The following ZNF154 variants were observed in gnomAD, a reference collection of about 807,000 sequenced individuals.
The protein encoded by ZNF154 is zinc finger protein 154.
A neutral mutation model predicts 7.5 loss-of-function variants in ZNF154; 6 were observed. The observed-to-expected ratio is 0.80, with a 90% CI of 0.44 to 1.57. The LOEUF (loss-of-function observed/expected upper bound fraction) is 1.57, where lower values mean the gene tolerates loss of function less well. Among genes scored for constraint, ZNF154 ranks in the 40% most tolerant of loss-of-function variants. ZNF154 has a pLI of 0.01. For synonymous variants in ZNF154, 187 were observed against 185.9 expected (o/e 1.01, Z -0.05); for missense variants, 485 against 531.4 (o/e 0.91, Z 0.86).
intron 1 of ZNF154, among the ~76,000 whole-genome samples, chr19:57,706,754 G>A (rs1340035728): frequency 6.6e-6 from 1 of 152,116 alleles, no homozygotes; most frequent in Non-Finnish European, 1.5e-5. Flanking sequence ...CAACCAAAAG[G>A]CTTGGTCCTT....
chr19:57,704,664 T>TA (rs2122402561), intron 2 of ZNF154, among the ~76,000 whole-genome samples, 189 bp downstream of exon 2: 1 of 152,208 alleles, frequency 6.6e-6, no homozygotes, highest in South Asian at 2.1e-4. Context: ...AGGAAACAGG[T>TA]ACTGGGGCTC....
rs188908440 is a variant in ZNF154 at position 57,705,693 on chromosome 19, G to A, written c.34-714C>T. Among the ~76,000 whole-genome samples the A allele has an allele frequency of 3.3e-5, 5 of 151,418 alleles. No homozygotes were observed. In the East Asian group the frequency reaches 9.8e-4, roughly 30 times the overall value. Reference sequence around the variant, plus strand: ...TGCTTGAACCCAGGAGGCGGAGGTTGCAGTGAGCCAAGATTGCGAAACTGC... The same window carrying A: ...TGCTTGAACCCAGGAGGCGGAGGTTACAGTGAGCCAAGATTGCGAAACTGC... On this transcript the variant is annotated intron_variant, in intron 1 of 2. Coordinates refer to ENST00000684351, the MANE Select transcript of ZNF154 (RefSeq NM_001085384.3).
At position 57,699,117 on chromosome 19, in the gene ZNF154, T is replaced by A. The variant is rs571177745; in HGVS notation, c.*2518A>T. Reference sequence around the variant, plus strand: ...TCTTTTTTTTGAGACGGAGTCTTGTTTTGTCTGTCGTCCAGGCTGGAGTGC... The same window carrying A: ...TCTTTTTTTTGAGACGGAGTCTTGTATTGTCTGTCGTCCAGGCTGGAGTGC... On this transcript the variant is annotated 3_prime_UTR_variant, in exon 3 of 3. Transcript: ENST00000684351. 2.0e-5 allele frequency: 3 copies of A among 151,708 alleles called. No homozygotes were observed. Among genetic ancestry groups the A allele is most frequent in the Non-Finnish European group, 4.4e-5 (3 of 68,086 alleles). 9.4% of individuals were successfully genotyped at this position (151,708 alleles called of 1,614,324 possible). A position where few individuals can be genotyped will look rare whatever the true frequency, so the allele number is the denominator to read the frequency against.
intron 2 of ZNF154, 117 bp downstream of exon 2, chr19:57,704,736 G>C: frequency 7.2e-7 from 1 of 1,379,598 alleles, no homozygotes; most frequent in Non-Finnish European, 9.8e-7. Context: ...ACTATGCAGG[G>C]AACTGAGAAA....
In ZNF154 at chr19:57,702,693, CT is replaced by C. The variant is rs1191120399; in HGVS notation, c.255del (p.Glu87SerfsTer203). 1.9e-6 allele frequency: 3 copies of C among 1,613,936 alleles called. No individual in the cohort carries two copies. The highest frequency in any genetic ancestry group is 2.7e-5 in the African/African-American group (2 of 74,934). ...ACTTCTCTGCAGGTGGAAGGCTCCCCTGACACATGGAATGTGCAGGTCTTCA... is the reference window on the plus strand; with the variant it reads ...ACTTCTCTGCAGGTGGAAGGCTCCCCGACACATGGAATGTGCAGGTCTTCA... ...LFVKTCTFHVSGEPSTCREVG... is the reference protein window; with the variant it reads ...LFVKTCTFHVXGEPSTCREVG... On this transcript the variant is annotated frameshift_variant, in exon 3 of 3. Coordinates refer to ENST00000684351, the MANE Select transcript of ZNF154 (RefSeq NM_001085384.3). LOFTEE classifies it low-confidence loss of function (END_TRUNC).
rs1326680533 is a variant in ZNF154 at position 57,709,146 on chromosome 19, G to C, written c.-175C>G. On this transcript the variant is annotated 5_prime_UTR_variant, in exon 1 of 3. Transcript: ENST00000684351. Reference sequence around the variant, plus strand: ...CCTCACGCCTTCGTGGCCCCAACTCGGCGCTCTGCTATCTCTGATCCGGTG... The same window carrying C: ...CCTCACGCCTTCGTGGCCCCAACTCCGCGCTCTGCTATCTCTGATCCGGTG... 5.0e-6 allele frequency: 4 copies of C among 798,176 alleles called. No homozygotes were observed. The highest frequency in any genetic ancestry group is 8.1e-6 in the Non-Finnish European group (4 of 496,748). The allele number at this position is 798,176 out of a possible 1,614,324, so 49.4% of individuals were successfully genotyped here. A position where few individuals can be genotyped will look rare whatever the true frequency, so the allele number is the denominator to read the frequency against.
Position 57,702,427 on chromosome 19 carries a change from G to A in ZNF154, c.522C>T (p.Tyr174=), listed in dbSNP as rs777016363. 2 of 1,613,980 alleles carry A rather than the reference G, an allele frequency of 1.2e-6. No homozygotes were observed. Among genetic ancestry groups the A allele is most frequent in the South Asian group, 1.1e-5 (1 of 91,082 alleles). ...SECGKSFSKS[Y]SLNDHWRLHT... is the part of the protein sequence containing the mutation. The stretch of plus-strand genomic sequence containing the variant: ...GAAGTCTCCAATGGTCATTGAGACT[G>A]TAGCTTTTGCTAAAGGATTTCCCAC... Residue 174 remains tyrosine (Y), a synonymous_variant, in exon 3 of 3, where the codon TAC becomes TAT. Transcript: ENST00000684351.
Position 57,697,858 on chromosome 19 carries a change from A to C in ZNF154, c.*3777T>G, listed in dbSNP as rs1257800478. The C allele has an allele frequency of 6.6e-6, 1 of 152,164 alleles. No homozygotes were observed. The allele number at this position is 152,164 out of a possible 1,614,324, so 9.4% of individuals were successfully genotyped here. ...TGAACACAGCTGTAACAGGAGACAA[A>C]ATATGTCATTGTACCAGTAATTTTA... is the stretch of plus-strand genomic sequence containing the variant. On this transcript the variant is annotated 3_prime_UTR_variant, in exon 3 of 3. Transcript: ENST00000684351.
At chr19:57,706,493 A>G (rs985346596) in intron 1 of ZNF154, among the ~76,000 whole-genome samples, 5 of 152,250 alleles carry the variant, frequency 3.3e-5, no homozygotes. Context: ...TCCAGGTTGA[A>G]TAAACACCCT....
rs777880877 is a variant in ZNF154, at chr19:57,704,841, A to G, written c.160+12T>C. ...CTAGCTCAGGGCACAGGAAAGGGTA[A>G]AAGAACCTTACCTAGAGAGGTTAAA... On this transcript the variant is annotated intron_variant, in intron 2 of 2. Coordinates refer to ENST00000684351, the MANE Select transcript of ZNF154 (RefSeq NM_001085384.3). The G allele has an allele frequency of 1.9e-6, 3 of 1,609,194 alleles. No individual in the cohort carries two copies. The South Asian group carries it at 3.3e-5, about 18-fold the overall frequency.
rs938965874 is a variant in ZNF154 at position 57,708,296 on chromosome 19, G to A, written c.33+643C>T. 2.0e-5 allele frequency among the ~76,000 whole-genome samples: 3 copies of A among 152,318 alleles called. No individual in the cohort carries two copies. In the East Asian group the frequency reaches 5.8e-4, roughly 29 times the overall value. On this transcript the variant is annotated intron_variant, in intron 1 of 2. Coordinates refer to ENST00000684351, the MANE Select transcript of ZNF154 (RefSeq NM_001085384.3). ...TTAAACCCTAACATAGGGCGGGCAC[G>A]GTGGCTCACGCCTGTAATCCCAGCA...
rs1200788970 is a variant in ZNF154, at chr19:57,701,465, C to A, written c.*170G>T. On this transcript the variant is annotated 3_prime_UTR_variant, in exon 3 of 3. Coordinates refer to ENST00000684351, the MANE Select transcript of ZNF154 (RefSeq NM_001085384.3). ...CCCTCATAAGGGATCTCCTTCAGAG[C>A]TGTTATATCAACTGGACATCCCTAC... 1 of 692,422 alleles carries A rather than the reference C, an allele frequency of 1.4e-6. No homozygotes were observed. Among genetic ancestry groups the A allele is most frequent in the Non-Finnish European group, 2.4e-6 (1 of 422,178 alleles). The allele number at this position is 692,422 out of a possible 1,614,324, so 42.9% of individuals were successfully genotyped here. A position where few individuals can be genotyped will look rare whatever the true frequency, so the allele number is the denominator to read the frequency against.
At position 57,696,552 on chromosome 19, in the gene ZNF154, G is replaced by A. The variant is rs1984903785; in HGVS notation, c.*5083C>T. 6.6e-6 allele frequency among the ~76,000 whole-genome samples: 1 copy of A among 152,148 alleles called. No homozygotes were observed. Among genetic ancestry groups the A allele is most frequent in the Non-Finnish European group, 1.5e-5 (1 of 68,034 alleles). On this transcript the variant is annotated 3_prime_UTR_variant, in exon 3 of 3. Transcript: ENST00000684351. ...GTGGCAGAGGAGGGATTAAACCCAGGCAGCAGAGGGAGCAGAGGGCCTGGG... is the reference window on the plus strand; with the variant it reads ...GTGGCAGAGGAGGGATTAAACCCAGACAGCAGAGGGAGCAGAGGGCCTGGG...
In ZNF154 at chr19:57,698,345, T is replaced by C. The variant is rs1238528975; in HGVS notation, c.*3290A>G. ...TGGAATGACACGTTCATTGTCATGA[T>C]TGTGAAGAAACAACTTCTTCCTAAT... On this transcript the variant is annotated 3_prime_UTR_variant, in exon 3 of 3. Coordinates refer to ENST00000684351, the MANE Select transcript of ZNF154 (RefSeq NM_001085384.3). 6.6e-6 allele frequency: 1 copy of C among 152,228 alleles called. No homozygotes were observed. Among genetic ancestry groups the C allele is most frequent in the Admixed American group, 6.5e-5 (1 of 15,286 alleles). The allele number at this position is 152,228 out of a possible 1,614,324, so 9.4% of individuals were successfully genotyped here. A position where few individuals can be genotyped will look rare whatever the true frequency, so the allele number is the denominator to read the frequency against.
rs1039736402 is a variant in ZNF154 at position 57,709,143 on chromosome 19, C to G, written c.-172G>C. On this transcript the variant is annotated 5_prime_UTR_variant, in exon 1 of 3. Coordinates refer to ENST00000684351, the MANE Select transcript of ZNF154 (RefSeq NM_001085384.3). ...TCCCCTCACGCCTTCGTGGCCCCAA[C>G]TCGGCGCTCTGCTATCTCTGATCCG... The G allele has an allele frequency of 3.7e-6, 3 of 819,280 alleles. No homozygotes were observed. In the African/African-American group the frequency reaches 5.1e-5, roughly 14 times the overall value. The allele number at this position is 819,280 out of a possible 1,614,324, so 50.8% of individuals were successfully genotyped here.
In ZNF154 at chr19:57,701,564, C is replaced by G; in HGVS notation, c.*71G>C. On this transcript the variant is annotated 3_prime_UTR_variant, in exon 3 of 3. Transcript: ENST00000684351. ...ATGGCCTTCAGCTGAAGCTTTCTGA[C>G]ATTCACTGTGTACTCAAGGACTTTC... is the stretch of plus-strand genomic sequence containing the variant. 3 of 1,498,854 alleles carry G rather than the reference C, an allele frequency of 2.0e-6. No homozygotes were observed. Among genetic ancestry groups the G allele is most frequent in the Non-Finnish European group, 1.8e-6 (2 of 1,106,068 alleles). 92.8% of individuals were successfully genotyped at this position (1,498,854 alleles called of 1,614,324 possible).
In ZNF154 at chr19:57,702,705, A is replaced by G; in HGVS notation, c.244T>C (p.Phe82Leu). The G allele has an allele frequency of 6.2e-7, 1 of 1,613,974 alleles. No homozygotes were observed. The highest frequency in any genetic ancestry group is 2.2e-5 in the East Asian group (1 of 44,888). ...GTGGAAGGCTCCCCTGACACATGGA[A>G]TGTGCAGGTCTTCACAAACAAGGCT... ...GRALFVKTCT[F>L]HVSGEPSTCR... Residue 82 changes from phenylalanine (F) to leucine (L), a missense_variant, in exon 3 of 3, where the codon TTC (phenylalanine) becomes CTC (leucine). Physicochemically the swap from Phe to Leu is conservative, Grantham distance 22 (BLOSUM62 0). Transcript: ENST00000684351.
chr19:57,705,245 G>A (rs1431100593), intron 1 of ZNF154, among the ~76,000 whole-genome samples: 1 of 152,082 alleles, frequency 6.6e-6, no homozygotes, highest in African/African-American at 2.4e-5. Flanking sequence ...TCCCTTTCCA[G>A]ATGCACATCA....
intron 1 of ZNF154, among the ~76,000 whole-genome samples, chr19:57,708,675 G>A (rs1985497844): frequency 6.6e-6 from 1 of 152,126 alleles, no homozygotes; most frequent in African/African-American, 2.4e-5. Flanking sequence ...GAGTAACTCC[G>A]CCTCATATTC....
Sources: allele counts gnomAD v4.1 joint callset (sites outside exome capture counted in the v4.1 genomes callset), GRCh38; gene constraint gnomAD v4.1.1; transcripts MANE v1.5; gene names NCBI Gene and HGNC (gene_info 2026-07-23, HGNC 2026-07-21).